The following PSD3 variants were observed in gnomAD, a reference collection of about 807,000 sequenced individuals.
The protein encoded by PSD3 is pleckstrin and Sec7 domain containing 3, also known as PH and SEC7 domain-containing protein 3.
In PSD3, 49 loss-of-function variants were observed where a neutral mutation model predicts 105.5. The ratio of observed to expected loss-of-function variants is 0.46; its 90% CI spans 0.37 to 0.59. The LOEUF (loss-of-function observed/expected upper bound fraction) is 0.59, where lower values mean the gene tolerates loss of function less well. Ranked by LOEUF, PSD3 falls within the 20% of genes least tolerant of loss-of-function variation. PSD3 has a pLI of 0.00. For synonymous variants in PSD3, 557 were observed against 457.8 expected (o/e 1.22, Z -2.77); for missense variants, 1,561 against 1,263.8 (o/e 1.24, Z -3.57).
intron 8 of PSD3, among the ~76,000 whole-genome samples, chr8:18,779,730 T>C (rs907429633): frequency 1.1e-4 from 17 of 152,174 alleles, no homozygotes; most frequent in Non-Finnish European, 1.8e-4. Context: ...TTCCTTGTAT[T>C]TGTACAATTT....
At chr8:18,779,746 G>T (rs1808431404) in intron 8 of PSD3, among the ~76,000 whole-genome samples, 1 of 152,020 alleles carries the variant, frequency 6.6e-6, no homozygotes, top group African/African-American at 2.4e-5. Flanking sequence ...AATTTCCAAA[G>T]TTCTCATTGT....
At chr8:18,902,787 A>G (rs908705465) in intron 2 of PSD3, among the ~76,000 whole-genome samples, 1 of 152,224 alleles carries the variant, frequency 6.6e-6, no homozygotes, top group African/African-American at 2.4e-5. Context: ...AATGTCAGCA[A>G]TAACTGTGGG....
chr8:18,638,228 G>A (rs1807408174), intron 10 of PSD3, among the ~76,000 whole-genome samples: 1 of 151,438 alleles, frequency 6.6e-6, no homozygotes, highest in Non-Finnish European at 1.5e-5. Flanking sequence ...GTCAAAGGTG[G>A]AATGTTTTTC....
At chr8:18,570,898 C>T (rs1037120711) in intron 14 of PSD3, among the ~76,000 whole-genome samples, 28 of 147,110 alleles carry the variant, frequency 1.9e-4, no homozygotes, top group Middle Eastern at 3.8e-3. Context: ...TTTGCTCTGT[C>T]GCCCAGGCTG....
intron 2 of PSD3, among the ~76,000 whole-genome samples, chr8:18,917,683 C>G (rs1187619835): frequency 1.3e-5 from 2 of 152,120 alleles, no homozygotes; most frequent in Admixed American, 6.5e-5. Flanking sequence ...CCCCTTTGCT[C>G]TTGCGATTTC....
intron 12 of PSD3, among the ~76,000 whole-genome samples, chr8:18,581,320 T>C (rs1802802450): frequency 6.6e-6 from 1 of 152,180 alleles, no homozygotes; most frequent in African/African-American, 2.4e-5. Flanking sequence ...ACGCTTCACA[T>C]TCCCATAGTA....
At chr8:18,884,752 C>A (rs960429233) in intron 2 of PSD3, among the ~76,000 whole-genome samples, 2 of 152,198 alleles carry the variant, frequency 1.3e-5, no homozygotes, top group Non-Finnish European at 2.9e-5. Flanking sequence ...GCTGTGCTTA[C>A]GGCAAACTAA....
intron 2 of PSD3, among the ~76,000 whole-genome samples, chr8:18,877,196 T>G (rs1169806183): frequency 1.8e-4 from 28 of 152,348 alleles, no homozygotes; most frequent in Non-Finnish European, 5.9e-5. Context: ...CGTTTTTCCT[T>G]TGGTCTCTTG....
In PSD3 at chr8:19,041,831, T is replaced by C. The variant is rs114563303; in HGVS notation, c.324+42375A>G. Among the ~76,000 whole-genome samples the C allele has an allele frequency of 3.5e-3, 529 of 152,318 alleles. 1 individual carries two copies. Among genetic ancestry groups the C allele is most frequent in the African/African-American group, 0.012 (509 of 41,574 alleles). ...GTTAAAAATAAACCAGAAACCTTAA[T>C]TGCTAATATTATTTCAAAACTGTGC... On this transcript the variant is annotated intron_variant, in intron 1 of 1. Coordinates refer to the PSD3 transcript ENST00000521475.
intron 1 of PSD3, among the ~76,000 whole-genome samples, chr8:18,970,536 C>T (rs1205961852): frequency 2.6e-5 from 4 of 152,058 alleles, no homozygotes; most frequent in Non-Finnish European, 5.9e-5. Flanking sequence ...TATACAACTT[C>T]CCATGTCCTA....
intron 10 of PSD3, among the ~76,000 whole-genome samples, chr8:18,649,440 A>G (rs1808308550): frequency 1.3e-5 from 2 of 152,298 alleles, no homozygotes; most frequent in Admixed American, 6.5e-5. Context: ...TCCTTTTGGA[A>G]TAGGAGTATT....
chr8:18,897,447 A>G (rs1440867093), intron 2 of PSD3, among the ~76,000 whole-genome samples: 1 of 152,114 alleles, frequency 6.6e-6, no homozygotes, highest in Non-Finnish European at 1.5e-5. Context: ...CGGTAGTGTG[A>G]TGTCTCAAGC....
At chr8:18,775,741 T>C (rs1428964719) in intron 8 of PSD3, among the ~76,000 whole-genome samples, 1 of 152,208 alleles carries the variant, frequency 6.6e-6, no homozygotes, top group African/African-American at 2.4e-5. Flanking sequence ...CCTTTTCAAA[T>C]GGATAGCTCA....
At chr8:18,982,310 T>A (rs892904703) in intron 1 of PSD3, among the ~76,000 whole-genome samples, 5 of 152,198 alleles carry the variant, frequency 3.3e-5, no homozygotes, top group African/African-American at 1.2e-4. Flanking sequence ...GTAGCTACTT[T>A]CTCCACTGCA....
chr8:19,048,521 C>CAGGATAT (rs1828404380), intron 1 of PSD3, among the ~76,000 whole-genome samples: 1 of 150,432 alleles, frequency 6.6e-6, no homozygotes, highest in Non-Finnish European at 1.5e-5. Context: ...AGTTTAACTG[C>CAGGATAT]CAAAGTGCTA....
intron 1 of PSD3, among the ~76,000 whole-genome samples, chr8:19,071,502 G>C (rs1829261185): frequency 1.3e-5 from 2 of 152,100 alleles, no homozygotes; most frequent in African/African-American, 2.4e-5. Flanking sequence ...GTTCTGGGTA[G>C]AAGAAGAGAA....
intron 1 of PSD3, among the ~76,000 whole-genome samples, chr8:18,943,304 T>TA (rs1448108962): frequency 6.6e-6 from 1 of 152,144 alleles, no homozygotes; most frequent in South Asian, 2.1e-4. Context: ...GAAAAAGTTT[T>TA]AAAAAATCAC....
chr8:19,028,600 C>G (rs1827652491), intron 1 of PSD3, among the ~76,000 whole-genome samples: 1 of 152,052 alleles, frequency 6.6e-6, no homozygotes, highest in Admixed American at 6.6e-5. Flanking sequence ...ATTTATGTAT[C>G]AGATATGTAT....
At chr8:19,011,680 C>A (rs1326546309) in intron 1 of PSD3, among the ~76,000 whole-genome samples, 1 of 151,724 alleles carries the variant, frequency 6.6e-6, no homozygotes, top group Non-Finnish European at 1.5e-5. Context: ...ATATGTTATT[C>A]TTTGGTCACA....
Sources: allele counts gnomAD v4.1 joint callset (sites outside exome capture counted in the v4.1 genomes callset), GRCh38; gene constraint gnomAD v4.1.1; transcripts MANE v1.5; gene names NCBI Gene and HGNC (gene_info 2026-07-23, HGNC 2026-07-21).